The following EIF4ENIF1 variants were observed in gnomAD, a reference collection of about 807,000 sequenced individuals.
The protein encoded by EIF4ENIF1 is eukaryotic translation initiation factor 4E nuclear import factor 1.
Under a neutral mutation model 110.5 loss-of-function variants are expected in EIF4ENIF1, and 23 were observed. The observed-to-expected ratio is 0.21, with a 90% CI of 0.15 to 0.29. The LOEUF (loss-of-function observed/expected upper bound fraction) is 0.29. Among genes scored for constraint, EIF4ENIF1 ranks in the 10% least tolerant of loss-of-function variants. EIF4ENIF1 has a pLI of 1.00. For synonymous variants in EIF4ENIF1, 440 were observed against 437.0 expected (o/e 1.01, Z -0.09); for missense variants, 1,031 against 1,221.1 (o/e 0.84, Z 2.32).
intron 10 of EIF4ENIF1, chr22:31,450,844 TACACACACACACACACACACACAC>T (rs372740127): frequency 3.6e-3 from 430 of 121,108 alleles, no homozygotes; most frequent in African/African-American, 0.014. Flanking sequence ...ATATATATAC[TACACACACACACACACACACACAC>T]ACACACACAC....
At chr22:31,454,510 C>A (rs916569167) in intron 9 of EIF4ENIF1, 134 bp from the exon 10 acceptor site, 3 of 732,058 alleles carry the variant, frequency 4.1e-6, no homozygotes, top group Admixed American at 5.5e-5. Context: ...AAGACTGACA[C>A]CAAAAATAAA....
At chr22:31,464,793 A>C (rs1424164817) in intron 4 of EIF4ENIF1, among the ~76,000 whole-genome samples, 1 of 146,678 alleles carries the variant, frequency 6.8e-6, no homozygotes, top group Non-Finnish European at 1.5e-5. Flanking sequence ...AAAACTAAAA[A>C]TTTCTAGAAC....
chr22:31,482,259 A>G lies in EIF4ENIF1; in HGVS notation c.96+6364T>C, dbSNP rs530714860. On this transcript the variant is annotated intron_variant, in intron 2 of 18. Transcript: ENST00000330125. ...GCATGTTTAACACTGGTCAGTATCA[A>G]GCTGAATGTTCTGAGTGTCTCTGCT... Among the ~76,000 whole-genome samples the G allele has an allele frequency of 2.0e-5, 3 of 152,306 alleles. No homozygotes were observed. The East Asian group carries it at 5.8e-4, about 29-fold the overall frequency.
chr22:31,441,895 T>C lies in EIF4ENIF1; in HGVS notation c.2430A>G (p.Gln810=), dbSNP rs778877589. Residue 810 remains glutamine (Q), a synonymous_variant, in exon 17 of 19, where the codon CAA becomes CAG. Coordinates refer to ENST00000330125, the MANE Select transcript of EIF4ENIF1 (RefSeq NM_019843.4). The part of the protein sequence containing the change: ...PTTPFLRPVH[Q]VPLVPHVPMV... ...TAGGGACATGGGGGACAAGGGGAACTTGGTGGACAGGGCGGAGAAAAGGTG... is the reference window on the plus strand; with the variant it reads ...TAGGGACATGGGGGACAAGGGGAACCTGGTGGACAGGGCGGAGAAAAGGTG... 9 of 1,614,014 alleles carry C rather than the reference T, an allele frequency of 5.6e-6. No homozygotes were observed. The highest frequency in any genetic ancestry group is 1.6e-4 in the Middle Eastern group (1 of 6,084).
intron 3 of EIF4ENIF1, among the ~76,000 whole-genome samples, chr22:31,469,495 C>T (rs2051292837): frequency 6.6e-6 from 1 of 152,166 alleles, no homozygotes; most frequent in African/African-American, 2.4e-5. Context: ...GCTTTTCAGT[C>T]TCAAACTCCT....
chr22:31,459,814 T>G (rs2050936607), intron 6 of EIF4ENIF1, among the ~76,000 whole-genome samples: 2 of 152,162 alleles, frequency 1.3e-5, no homozygotes, highest in African/African-American at 4.8e-5. Flanking sequence ...AGTTAGCTAA[T>G]GGGATGAACC....
chr22:31,484,604 T>TG (rs2051948467), intron 2 of EIF4ENIF1, among the ~76,000 whole-genome samples: 1 of 150,298 alleles, frequency 6.7e-6, no homozygotes, highest in South Asian at 2.1e-4. Context: ...GAAGCCAAGG[T>TG]GGGCGGATCA....
chr22:31,477,051 A>C (rs2051601410), intron 2 of EIF4ENIF1, among the ~76,000 whole-genome samples: 1 of 151,028 alleles, frequency 6.6e-6, no homozygotes, highest in Non-Finnish European at 1.5e-5. Flanking sequence ...TGAGCCCAGG[A>C]GATCCAGGCC....
chr22:31,490,283 T>G (rs1202188546), upstream of EIF4ENIF1, among the ~76,000 whole-genome samples: 3 of 152,246 alleles, frequency 2.0e-5, 1 homozygote, highest in Admixed American at 2.0e-4. Flanking sequence ...ATGGTTCGCA[T>G]AGGCAGAGAA....
intron 4 of EIF4ENIF1, among the ~76,000 whole-genome samples, chr22:31,466,548 C>T (rs953161739): frequency 6.8e-6 from 1 of 147,900 alleles, no homozygotes; most frequent in African/African-American, 2.5e-5. Flanking sequence ...CGCCACTGTA[C>T]TCCAGCCTAG....
intron 15 of EIF4ENIF1, 68 bp downstream of exon 15, chr22:31,444,538 G>A (rs2050401041): frequency 6.8e-7 from 1 of 1,468,642 alleles, no homozygotes; most frequent in Admixed American, 1.7e-5. Flanking sequence ...GCACACAGTG[G>A]TACAATCCAT....
intron 8 of EIF4ENIF1, 72 bp from the exon 9 acceptor site, chr22:31,455,387 C>A: frequency 6.1e-4 from 579 of 949,152 alleles, no homozygotes; most frequent in Non-Finnish European, 7.5e-4. Context: ...CAGTATTTTT[C>A]TTTCTTTCTT....
chr22:31,482,383 A>G (rs1252651117), intron 2 of EIF4ENIF1, among the ~76,000 whole-genome samples: 5 of 152,172 alleles, frequency 3.3e-5, no homozygotes, highest in Admixed American at 2.0e-4. Context: ...TGTATCCTTT[A>G]TAAGATTAGT....
At chr22:31,441,706 T>C (rs974485185) in intron 17 of EIF4ENIF1, 68 bp downstream of exon 17, 5 of 1,309,692 alleles carry the variant, frequency 3.8e-6, no homozygotes, top group Non-Finnish European at 5.3e-6. Flanking sequence ...TTATAGCACT[T>C]CATCAGTGCC....
intron 2 of EIF4ENIF1, among the ~76,000 whole-genome samples, chr22:31,485,171 A>T (rs968566704): frequency 2.0e-5 from 3 of 152,220 alleles, no homozygotes; most frequent in Non-Finnish European, 2.9e-5. Flanking sequence ...AATCCTCTTA[A>T]GAGTAGAAAG....
chr22:31,437,586 G>A (rs979033909), downstream of EIF4ENIF1: 1 of 151,886 alleles, frequency 6.6e-6, no homozygotes, highest in Non-Finnish European at 1.5e-5. Context: ...CCAATCACCA[G>A]CTAATGGCTT....
chr22:31,478,586 G>C (rs1033033795), intron 2 of EIF4ENIF1, among the ~76,000 whole-genome samples: 1 of 151,116 alleles, frequency 6.6e-6, no homozygotes, highest in Non-Finnish European at 1.5e-5. Context: ...GGGAGGCCAA[G>C]GCGGGCGGAT....
intron 6 of EIF4ENIF1, among the ~76,000 whole-genome samples, chr22:31,459,100 T>A (rs546492780): frequency 6.6e-6 from 1 of 152,146 alleles, no homozygotes; most frequent in South Asian, 2.1e-4. Context: ...GATAATTTTT[T>A]AATTTTTTGT....
intron 14 of EIF4ENIF1, among the ~76,000 whole-genome samples, chr22:31,446,583 T>C (rs1176452363): frequency 2.6e-5 from 4 of 152,162 alleles, no homozygotes; most frequent in South Asian, 2.1e-4. Flanking sequence ...ATTTTAAAGG[T>C]AGACTAAACT....
Sources: allele counts gnomAD v4.1 joint callset (sites outside exome capture counted in the v4.1 genomes callset), GRCh38; gene constraint gnomAD v4.1.1; transcripts MANE v1.5; gene names NCBI Gene and HGNC (gene_info 2026-07-23, HGNC 2026-07-21).